The following RGL4 variants were observed in gnomAD, a reference collection of about 807,000 sequenced individuals.
The protein encoded by RGL4 is ral-GDS-related protein.
A neutral mutation model predicts 49.6 loss-of-function variants in RGL4; 41 were observed. The observed-to-expected ratio is 0.83, with a 90% CI of 0.64 to 1.07. The LOEUF (loss-of-function observed/expected upper bound fraction) is 1.07. Ranked by LOEUF, RGL4 falls within the 50% of genes least tolerant of loss-of-function variation. RGL4 has a pLI of 0.00. For missense variants in RGL4, 610 were observed against 591.9 expected (o/e 1.03, Z -0.32); for synonymous variants, 255 against 238.0 (o/e 1.07, Z -0.66).
In RGL4 at chr22:23,691,645, T is replaced by C. The variant is rs2123853729; in HGVS notation, c.-386T>C. 4.9e-6 allele frequency: 1 copy of C among 202,026 alleles called. No individual in the cohort carries two copies. Among genetic ancestry groups the C allele is most frequent in the Non-Finnish European group, 1.0e-5 (1 of 96,584 alleles). 12.5% of individuals were successfully genotyped at this position (202,026 alleles called of 1,614,324 possible). ...CTACGTATGGTGGCATCCTCCCAGATTCTGACTAGAATGACGCAGCCCAGC... is the reference window on the plus strand; with the variant it reads ...CTACGTATGGTGGCATCCTCCCAGACTCTGACTAGAATGACGCAGCCCAGC... On this transcript the variant is annotated 5_prime_UTR_variant, in exon 1 of 11. Coordinates refer to ENST00000290691, the MANE Select transcript of RGL4 (RefSeq NM_153615.2).
In RGL4 at chr22:23,693,045, G is replaced by A; in HGVS notation, c.696+54G>A. The A allele has an allele frequency of 2.0e-6, 3 of 1,528,362 alleles. No individual in the cohort carries two copies. The South Asian group carries it at 3.8e-5, about 19-fold the overall frequency. 94.7% of individuals were successfully genotyped at this position (1,528,362 alleles called of 1,614,324 possible). A position where few individuals can be genotyped will look rare whatever the true frequency, so the allele number is the denominator to read the frequency against. On this transcript the variant is annotated intron_variant, in intron 3 of 10. Coordinates refer to ENST00000290691, the MANE Select transcript of RGL4 (RefSeq NM_153615.2). ...CTCTGGCACCAGCTGTCTCAGACCA[G>A]CCTCTCCCTGAGGAGCAGCCAATGC...
Position 23,692,165 on chromosome 22 carries a change from G to C in RGL4, c.135G>C (p.Leu45=), listed in dbSNP as rs142856756. 7 of 1,614,226 alleles carry C rather than the reference G, an allele frequency of 4.3e-6. No individual in the cohort carries two copies. Among genetic ancestry groups the C allele is most frequent in the Non-Finnish European group, 5.9e-6 (7 of 1,180,040 alleles). ...GCACGAGGGTCTGTACAGCCCTGCT[G>C]TATGGCCAGGTCTGCCCCTTCCAGG... ...PGRTRVCTAL[L]YGQVCPFQDS... The change falls in exon 1 of 11, where the codon CTG becomes CTC. Residue 45 remains leucine (L), a synonymous_variant. Transcript: ENST00000290691.
chr22:23,691,310 T>C lies in RGL4; in HGVS notation c.-721T>C, dbSNP rs914053172. On this transcript the variant is annotated 5_prime_UTR_variant, in exon 1 of 11. Transcript: ENST00000290691. ...ACTGGTAAAGGATGTCTGAGATTCCTTCTGGCTGGTCTTTCTCCTTGACAC... is the reference window on the plus strand; with the variant it reads ...ACTGGTAAAGGATGTCTGAGATTCCCTCTGGCTGGTCTTTCTCCTTGACAC... 6.6e-6 allele frequency: 1 copy of C among 152,212 alleles called. No homozygotes were observed. Among genetic ancestry groups the C allele is most frequent in the Non-Finnish European group, 1.5e-5 (1 of 68,038 alleles). The allele number at this position is 152,212 out of a possible 1,614,324, so 9.4% of individuals were successfully genotyped here.
rs927805489 is a variant in RGL4 at position 23,698,916 on chromosome 22, C to A, written c.*33C>A. 2 of 1,609,274 alleles carry A rather than the reference C, an allele frequency of 1.2e-6. No homozygotes were observed. The highest frequency in any genetic ancestry group is 4.5e-5 in the East Asian group (2 of 44,756). On this transcript the variant is annotated 3_prime_UTR_variant, in exon 11 of 11. Transcript: ENST00000290691. The stretch of plus-strand genomic sequence containing the variant: ...ACATCCTGCAGTGGCTGGGAACCCA[C>A]CGGGATGCTGGCCAGAACACCGGCT...
intron 9 of RGL4, 156 bp from the exon 10 acceptor site, chr22:23,698,056 G>C: frequency 8.4e-7 from 1 of 1,190,324 alleles, no homozygotes; most frequent in Non-Finnish European, 1.2e-6. Context: ...CCTGCAGGAG[G>C]GGCTGTTTAT....
In RGL4 at chr22:23,692,646, G is replaced by A. The variant is rs748204810; in HGVS notation, c.374-23G>A. On this transcript the variant is annotated intron_variant, in intron 2 of 10. Coordinates refer to ENST00000290691, the MANE Select transcript of RGL4 (RefSeq NM_153615.2). ...AAACCCAGTGAAAAATGACTGGTGT[G>A]GTGACCTTTTCTCCTTTTCCAGATC... The A allele has an allele frequency of 5.1e-6, 8 of 1,579,208 alleles. No individual in the cohort carries two copies. The East Asian group carries it at 1.8e-4, about 36-fold the overall frequency.
At chr22:23,693,112 T>C (rs1487561472) in intron 3 of RGL4, 121 bp downstream of exon 3, 2 of 1,430,648 alleles carry the variant, frequency 1.4e-6, no homozygotes, top group Non-Finnish European at 1.8e-6. Flanking sequence ...AACCGTGGGA[T>C]CTGGATGAGT....
chr22:23,696,521 C>T (rs778502274), intron 6 of RGL4, 93 bp from the exon 7 acceptor site: 30 of 1,596,158 alleles, frequency 1.9e-5, no homozygotes, highest in South Asian at 1.0e-4. Flanking sequence ...AGGTGGCTCC[C>T]GCCACTCCCT....
rs995930659 is a variant in RGL4, at chr22:23,698,905, C to A, written c.*22C>A. ...GTAGGCTGGCAACATCCTGCAGTGG[C>A]TGGGAACCCACCGGGATGCTGGCCA... On this transcript the variant is annotated 3_prime_UTR_variant, in exon 11 of 11. Transcript: ENST00000290691. The A allele has an allele frequency of 6.2e-7, 1 of 1,611,754 alleles. No homozygotes were observed. The highest frequency in any genetic ancestry group is 8.5e-7 in the Non-Finnish European group (1 of 1,179,060).
chr22:23,697,793 G>C (rs1285950170), intron 8 of RGL4, 45 bp from the exon 9 acceptor site: 27 of 1,587,226 alleles, frequency 1.7e-5, no homozygotes, highest in Non-Finnish European at 1.7e-5. Context: ...GGTGGGGCTG[G>C]TTGTGGGCCA....
In RGL4 at chr22:23,698,218, C is replaced by T. The variant is rs577657567; in HGVS notation, c.1267C>T (p.Arg423Ter). The change falls in exon 10 of 11, where the codon CGA (arginine) becomes TGA (stop). Residue 423 changes from arginine to a stop codon, truncating the protein, a stop_gained. Transcript: ENST00000290691. LOFTEE classifies it high-confidence loss of function. ...TCCTGTCCTCTGTCTCTAGGAGGTC[C>T]GAGTTCTGCAGGAAATGCAGCTGCT... ...GNTNKRSKEV[R>*]VLQEMQLLQV... 36 of 1,605,554 alleles carry T rather than the reference C, an allele frequency of 2.2e-5. No homozygotes were observed. The East Asian group carries it at 3.8e-4, about 17-fold the overall frequency.
intron 7 of RGL4, 128 bp downstream of exon 7, chr22:23,696,816 TG>T: frequency 1.3e-6 from 1 of 795,572 alleles, no homozygotes; most frequent in Non-Finnish European, 2.0e-6. Context: ...CTGTGGCCAC[TG>T]GGCCTGGAAA....
intron 7 of RGL4, 25 bp from the exon 8 acceptor site, chr22:23,697,146 A>G: frequency 6.4e-7 from 1 of 1,569,380 alleles, no homozygotes; most frequent in Middle Eastern, 1.7e-4. Flanking sequence ...TACCCCTCCC[A>G]CCTCCCCACC....
chr22:23,696,256 G>A lies in RGL4; in HGVS notation c.1087-358G>A, dbSNP rs78810280. On this transcript the variant is annotated intron_variant, in intron 6 of 10. Transcript: ENST00000290691. The stretch of plus-strand genomic sequence containing the variant: ...AAGGGATGCTGAGCCTGTAGTGCAG[G>A]CCTCACAGGGTAGAAATGAAGTTCA... 110 of 1,175,016 alleles carry A rather than the reference G, an allele frequency of 9.4e-5. No individual in the cohort carries two copies. The African/African-American group carries it at 1.5e-3, about 16-fold the overall frequency. The allele number at this position is 1,175,016 out of a possible 1,614,324, so 72.8% of individuals were successfully genotyped here.
In RGL4 at chr22:23,698,350, T is replaced by C; in HGVS notation, c.1382+17T>C. ...CAAAGAGAGGTGAGGGCCTAGCCCA[T>C]GGGCTGAGGGTGGGAGAAGGCTCTC... On this transcript the variant is annotated intron_variant, in intron 10 of 10. Transcript: ENST00000290691. 1 of 1,593,664 alleles carries C rather than the reference T, an allele frequency of 6.3e-7. No individual in the cohort carries two copies.
In RGL4 at chr22:23,694,470, T is replaced by G. The variant is rs2070448; in HGVS notation, c.1016+20T>G. ...GTCCAGGTGAGGAGGGCTCTCTCCA[T>G]GGCAGCATCAGGGTTGACCTAGGGA... On this transcript the variant is annotated intron_variant, in intron 5 of 10. Transcript: ENST00000290691. The G allele has an allele frequency of 6.4e-7, 1 of 1,552,464 alleles. No individual in the cohort carries two copies.
intron 10 of RGL4, 152 bp from the exon 11 acceptor site, chr22:23,698,692 C>CT (rs1374724230): frequency 1.9e-6 from 2 of 1,038,104 alleles, no homozygotes; most frequent in Non-Finnish European, 2.8e-6. Flanking sequence ...CCGTGGCCAG[C>CT]TGCAGAGAGC....
In RGL4 at chr22:23,692,365, C is replaced by G. The variant is rs763266388; in HGVS notation, c.210C>G (p.Pro70=). The change falls in exon 2 of 11, where the codon CCC becomes CCG. Residue 70 remains proline (P), a synonymous_variant. Coordinates refer to ENST00000290691, the MANE Select transcript of RGL4 (RefSeq NM_153615.2). ...RTITSILFNW[P]PENTSVYYQP... ...TCACCTCCATTTTGTTCAACTGGCCCCCCGAAAACACTTCAGTTTACTATC... is the reference window on the plus strand; with the variant it reads ...TCACCTCCATTTTGTTCAACTGGCCGCCCGAAAACACTTCAGTTTACTATC... 2 of 1,614,064 alleles carry G rather than the reference C, an allele frequency of 1.2e-6. No homozygotes were observed. The highest frequency in any genetic ancestry group is 1.7e-6 in the Non-Finnish European group (2 of 1,180,020).
At position 23,696,779 on chromosome 22, in the gene RGL4, G is replaced by A. The variant is rs141330774; in HGVS notation, c.1161+91G>A. On this transcript the variant is annotated intron_variant, in intron 7 of 10. Transcript: ENST00000290691. ...CTGGAGGCCTCCATATCAAGACAGCGGGGGCTTCCTCCCCAGCCCTGTCCT... is the reference window on the plus strand; with the variant it reads ...CTGGAGGCCTCCATATCAAGACAGCAGGGGCTTCCTCCCCAGCCCTGTCCT... 663 of 1,146,160 alleles carry A rather than the reference G, an allele frequency of 5.8e-4. 3 individuals are homozygous for A. The African/African-American group carries it at 8.3e-3, about 14-fold the overall frequency. The allele number at this position is 1,146,160 out of a possible 1,614,324, so 71.0% of individuals were successfully genotyped here. A position where few individuals can be genotyped will look rare whatever the true frequency, so the allele number is the denominator to read the frequency against.
Sources: allele counts gnomAD v4.1 joint callset, GRCh38; gene constraint gnomAD v4.1.1; transcripts MANE v1.5; gene names NCBI Gene and HGNC (gene_info 2026-07-23, HGNC 2026-07-21).